SPATA17: variants seen among roughly 807,000 people sequenced by gnomAD.
The protein encoded by SPATA17 is spermatogenesis associated 17.
In SPATA17, 53 loss-of-function variants were observed where a neutral mutation model predicts 62.2. That is an observed-to-expected ratio of 0.85 (90% CI 0.68 to 1.07). The LOEUF is 1.07. SPATA17 is among the 50% of genes least tolerant of loss of function. The probability of loss-of-function intolerance (pLI) is 0.00; values close to 1 mark genes in which losing one functional copy is unlikely to be tolerated. For missense variants in SPATA17, 466 were observed against 425.5 expected (o/e 1.10, Z -0.84); for synonymous variants, 146 against 146.8 (o/e 0.99, Z 0.04).
At chr1:217,862,683 G>C in intron 9 of SPATA17, 91 bp from the exon 10 acceptor site, 1 of 930,918 alleles carries the variant, frequency 1.1e-6, no homozygotes, top group Non-Finnish European at 1.6e-6. Context: ...AAAGACATCT[G>C]TCTAGCAATT....
At chr1:217,734,022 G>GT (rs1422365876) in intron 5 of SPATA17, among the ~76,000 whole-genome samples, 39 of 152,282 alleles carry the variant, frequency 2.6e-4, no homozygotes, top group Non-Finnish European at 7.4e-5. Flanking sequence ...AGTAAGTGGT[G>GT]TAAGTTGTTT....
intron 9 of SPATA17, among the ~76,000 whole-genome samples, chr1:217,845,704 A>G (rs753145896): frequency 6.6e-5 from 10 of 152,120 alleles, no homozygotes; most frequent in Non-Finnish European, 1.5e-4. Context: ...GGGTCAAAAG[A>G]AAGTAAGGAG....
intron 9 of SPATA17, among the ~76,000 whole-genome samples, chr1:217,833,816 C>T (rs1318802111): frequency 6.6e-6 from 1 of 152,062 alleles, no homozygotes; most frequent in Non-Finnish European, 1.5e-5. Context: ...GAGAACACTG[C>T]TATTGTTTAC....
chr1:217,638,162 A>G (rs1272466364), intron 1 of SPATA17, among the ~76,000 whole-genome samples: 1 of 152,026 alleles, frequency 6.6e-6, no homozygotes, highest in Non-Finnish European at 1.5e-5. Flanking sequence ...TTCATTAAAA[A>G]CGTAAAAATT....
intron 5 of SPATA17, among the ~76,000 whole-genome samples, chr1:217,728,400 A>T (rs539523265): frequency 8.2e-4 from 125 of 152,284 alleles, no homozygotes; most frequent in South Asian, 1.4e-3. Context: ...ATTAGTATAG[A>T]TGTTTGATAA....
intron 6 of SPATA17, among the ~76,000 whole-genome samples, chr1:217,763,409 C>T (rs1046909453): frequency 4.0e-5 from 6 of 148,268 alleles, no homozygotes; most frequent in Non-Finnish European, 8.9e-5. Flanking sequence ...AAAAAAAAAA[C>T]ATTTTTGGTG....
chr1:217,807,878 C>A (rs1401597207), intron 9 of SPATA17, among the ~76,000 whole-genome samples: 2 of 152,104 alleles, frequency 1.3e-5, no homozygotes, highest in Non-Finnish European at 1.5e-5. Flanking sequence ...AATACAATTT[C>A]TTTTCTTTCC....
At chr1:217,756,396 G>A (rs769332519) in intron 6 of SPATA17, among the ~76,000 whole-genome samples, 3 of 151,806 alleles carry the variant, frequency 2.0e-5, no homozygotes, top group Non-Finnish European at 4.4e-5. Context: ...TAGACTCTGT[G>A]TGCCCCAAAT....
At chr1:217,695,773 C>T (rs1393555357) in intron 5 of SPATA17, among the ~76,000 whole-genome samples, 1 of 85,354 alleles carries the variant, frequency 1.2e-5, no homozygotes, top group Non-Finnish European at 2.4e-5. Context: ...CAGTGTGCCC[C>T]TGCTGGGGGG....
At chr1:217,745,862 G>A (rs575895597) in intron 6 of SPATA17, among the ~76,000 whole-genome samples, 60 of 152,022 alleles carry the variant, frequency 3.9e-4, no homozygotes, top group African/African-American at 1.4e-3. Flanking sequence ...TTATACTTAC[G>A]ATTTTGCTGA....
intron 5 of SPATA17, among the ~76,000 whole-genome samples, chr1:217,730,941 A>G (rs1462497208): frequency 4.6e-5 from 7 of 152,150 alleles, no homozygotes; most frequent in Middle Eastern, 3.2e-3. Context: ...ATGAAACTCT[A>G]TTGAGAAAAT....
chr1:217,698,318 C>A (rs923910909), intron 5 of SPATA17, among the ~76,000 whole-genome samples: 1 of 151,986 alleles, frequency 6.6e-6, no homozygotes, highest in Non-Finnish European at 1.5e-5. Flanking sequence ...CCTGTAATCC[C>A]AGCTGCTCGG....
At chr1:217,797,251 CTTTT>C (rs11360301) in intron 8 of SPATA17, among the ~76,000 whole-genome samples, 3 of 119,830 alleles carry the variant, frequency 2.5e-5, no homozygotes, top group Admixed American at 8.4e-5. Context: ...TTCTTTCTTT[CTTTT>C]TTTTTTTTTT....
At chr1:217,713,253 TG>T (rs1343107353) in intron 5 of SPATA17, among the ~76,000 whole-genome samples, 1 of 152,098 alleles carries the variant, frequency 6.6e-6, no homozygotes, top group South Asian at 2.1e-4. Context: ...TCCTTCAGGA[TG>T]TTTTTTTTTT....
chr1:217,782,032 C>A, intron 7 of SPATA17, 142 bp from the exon 8 acceptor site: 1 of 730,272 alleles, frequency 1.4e-6, no homozygotes, highest in South Asian at 4.3e-5. Context: ...CATGCATATT[C>A]TAACTCAGCG....
At chr1:217,733,030 T>C (rs1672433512) in intron 5 of SPATA17, among the ~76,000 whole-genome samples, 2 of 152,254 alleles carry the variant, frequency 1.3e-5, no homozygotes, top group Non-Finnish European at 2.9e-5. Flanking sequence ...AAAAATGATT[T>C]TCATGAATGA....
At chr1:217,775,572 G>A (rs535110193) in intron 7 of SPATA17, among the ~76,000 whole-genome samples, 9 of 152,150 alleles carry the variant, frequency 5.9e-5, no homozygotes, top group South Asian at 2.1e-4. Context: ...ACATGGTGGT[G>A]CACCCTGTGG....
intron 1 of SPATA17, among the ~76,000 whole-genome samples, chr1:217,639,444 G>A (rs531793130): frequency 8.0e-4 from 121 of 152,128 alleles, no homozygotes; most frequent in African/African-American, 2.8e-3. Context: ...AGTACTTGCC[G>A]TAATCAAGTA....
intron 3 of SPATA17, among the ~76,000 whole-genome samples, chr1:217,658,705 C>T (rs1244089712): frequency 6.6e-6 from 1 of 151,946 alleles, no homozygotes; most frequent in East Asian, 1.9e-4. Flanking sequence ...TTGCAGTGAG[C>T]CAAGATCTCA....
Sources: gnomAD v4.1 joint callset for allele counts (sites outside exome capture counted in the v4.1 genomes callset) on GRCh38, gnomAD v4.1.1 for gene constraint, MANE v1.5 for transcripts, NCBI Gene and HGNC (gene_info 2026-07-23, HGNC 2026-07-21) for gene names.